The following ARHGAP35 variants were observed in gnomAD, a reference collection of about 807,000 sequenced individuals.
ARHGAP35 encodes the protein rho GTPase-activating protein 35.
Under a neutral mutation model 111.1 loss-of-function variants are expected in ARHGAP35, and 15 were observed. That is an observed-to-expected ratio of 0.13 (90% CI 0.09 to 0.21). The LOEUF is 0.21. Among genes scored for constraint, ARHGAP35 ranks in the 10% least tolerant of loss-of-function variants. The pLI, the probability that ARHGAP35 is intolerant of heterozygous loss-of-function variation, is 1.00. For synonymous variants in ARHGAP35, 643 were observed against 710.3 expected (o/e 0.91, Z 1.51); for missense variants, 1,262 against 1,873.0 (o/e 0.67, Z 6.02).
Position 46,999,298 on chromosome 19 carries a change from C to A in ARHGAP35, c.4037-6C>A. On this transcript the variant is annotated splice_polypyrimidine_tract_variant and splice_region_variant and intron_variant, in intron 5 of 6. Transcript: ENST00000672722. This position sits in a 1 kb window ranked among gnomAD's most constrained non-coding sequence, Gnocchi z 5.4. ...AAGGCAAGGCTTTGGTTTTCTCTCT[C>A]CTCAGAAATCAACGACCGGGAGCAG... is the stretch of plus-strand genomic sequence containing the variant. 1 of 1,573,674 alleles carries A rather than the reference C, an allele frequency of 6.4e-7. No individual in the cohort carries two copies. Among genetic ancestry groups the A allele is most frequent in the East Asian group, 2.3e-5 (1 of 43,122 alleles).
At chr19:46,937,894 T>C (rs1003827380) in intron 3 of ARHGAP35, among the ~76,000 whole-genome samples, 5 of 152,226 alleles carry the variant, frequency 3.3e-5, no homozygotes, top group South Asian at 2.1e-4. Flanking sequence ...TTTTCTGAGG[T>C]AAGAAAATGA....
intron 5 of ARHGAP35, among the ~76,000 whole-genome samples, chr19:46,995,729 AC>A (rs2056703890): frequency 6.6e-6 from 1 of 152,254 alleles, no homozygotes; most frequent in South Asian, 2.1e-4. Context: ...CAGCACCCAA[AC>A]CTAAGCAGCT....
chr19:46,893,276 G>A (rs977711511), intron 1 of ARHGAP35, among the ~76,000 whole-genome samples: 2 of 152,122 alleles, frequency 1.3e-5, no homozygotes, highest in African/African-American at 4.8e-5. Context: ...TCTTGGCCAG[G>A]TCATATCACT....
At chr19:46,940,108 C>T (rs918904930) in intron 3 of ARHGAP35, among the ~76,000 whole-genome samples, 2 of 151,884 alleles carry the variant, frequency 1.3e-5, no homozygotes, top group South Asian at 2.1e-4. Context: ...CGGTGGCTCA[C>T]GCTTGTAGTT....
At chr19:46,931,671 A>T (rs1190294115) in intron 2 of ARHGAP35, among the ~76,000 whole-genome samples, 1 of 152,146 alleles carries the variant, frequency 6.6e-6, no homozygotes, top group Non-Finnish European at 1.5e-5. Context: ...TCATTTTTTT[A>T]AAATCAGTCT....
intron 1 of ARHGAP35, among the ~76,000 whole-genome samples, chr19:46,884,493 CTTTTTTT>C (rs923415995): frequency 1.8e-5 from 2 of 111,978 alleles, no homozygotes; most frequent in Non-Finnish European, 3.6e-5. Flanking sequence ...TGATGATATC[CTTTTTTT>C]TTTTTTTTTT....
intron 1 of ARHGAP35, among the ~76,000 whole-genome samples, chr19:46,892,302 C>CAA (rs1211422406): frequency 6.3e-5 from 4 of 63,746 alleles, no homozygotes; most frequent in Admixed American, 1.9e-4. Context: ...GACTTTGTCT[C>CAA]AAAAAAAAAA....
intron 1 of ARHGAP35, among the ~76,000 whole-genome samples, chr19:46,863,005 T>G (rs1388256682): frequency 6.6e-6 from 1 of 151,944 alleles, no homozygotes; most frequent in Non-Finnish European, 1.5e-5. Context: ...TCCCCTTTGA[T>G]ATCCCTCTCC....
Position 46,888,333 on chromosome 19 carries a change from TACACAC to T in ARHGAP35, c.-189+27151_-189+27156del, listed in dbSNP as rs72465629. Among the ~76,000 whole-genome samples the T allele has an allele frequency of 4.9e-3, 327 of 67,420 alleles. 8 individuals are homozygous for T. Among genetic ancestry groups the T allele is most frequent in the African/African-American group, 0.015 (263 of 17,168 alleles). The allele number at this position is 67,420 out of a possible 152,430, so 44.2% of individuals were successfully genotyped here. On this transcript the variant is annotated intron_variant, in intron 1 of 6. Transcript: ENST00000672722. Reference sequence around the variant, plus strand: ...ATATATATATAAAATATTGATTTTATACACACACACACACACACACACACACACACA... The same window carrying T: ...ATATATATATAAAATATTGATTTTATACACACACACACACACACACACACA...
In ARHGAP35 at chr19:46,976,096, G is replaced by T. The variant is rs574959915; in HGVS notation, c.3827-11893G>T. ...TATGAGGTATACTGTTTCATATGCTGTGATTTTTATGGGGGCTGTCTGTTA... is the reference window on the plus strand; with the variant it reads ...TATGAGGTATACTGTTTCATATGCTTTGATTTTTATGGGGGCTGTCTGTTA... On this transcript the variant is annotated intron_variant, in intron 3 of 6. Transcript: ENST00000672722. Among the ~76,000 whole-genome samples, 17 of 152,050 alleles carry T rather than the reference G, an allele frequency of 1.1e-4. No homozygotes were observed. In the South Asian group the frequency reaches 3.5e-3, roughly 32 times the overall value.
intron 3 of ARHGAP35, among the ~76,000 whole-genome samples, 184 bp from the exon 4 acceptor site, chr19:46,987,805 A>G (rs1359925888): frequency 6.6e-6 from 1 of 152,216 alleles, no homozygotes; most frequent in African/African-American, 2.4e-5. Flanking sequence ...AGTGAAAAAG[A>G]AAATGGAGGT....
chr19:46,890,804 A>C (rs898223784), intron 1 of ARHGAP35, among the ~76,000 whole-genome samples: 1 of 152,100 alleles, frequency 6.6e-6, no homozygotes, highest in Non-Finnish European at 1.5e-5. Context: ...TATTGACTCT[A>C]TTTCTCTACT....
rs548810655 is a variant in ARHGAP35 at position 47,004,459 on chromosome 19, T to C, written c.*3771T>C. The stretch of plus-strand genomic sequence containing the variant: ...CGATGCTACAGGCCTAAGTTATTGT[T>C]TGCATAAAAAGAATCATGTTCCCTG... On this transcript the variant is annotated 3_prime_UTR_variant, in exon 7 of 7. Transcript: ENST00000672722. 6.6e-6 allele frequency: 1 copy of C among 152,632 alleles called. No homozygotes were observed. Among genetic ancestry groups the C allele is most frequent in the East Asian group, 1.9e-4 (1 of 5,178 alleles). The allele number at this position is 152,632 out of a possible 1,614,324, so 9.5% of individuals were successfully genotyped here.
At position 46,994,350 on chromosome 19, in the gene ARHGAP35, G is replaced by C. The variant is rs1296148158; in HGVS notation, c.4036+4675G>C. On this transcript the variant is annotated intron_variant, in intron 5 of 6. Transcript: ENST00000672722. This position sits in a 1 kb window ranked among gnomAD's most constrained non-coding sequence, Gnocchi z 5.4. ...GAGTGGCTGCCCTGAGTGTGCCGCTGCCCTGTGACCAGGTCCACACAGACT... is the reference window on the plus strand; with the variant it reads ...GAGTGGCTGCCCTGAGTGTGCCGCTCCCCTGTGACCAGGTCCACACAGACT... Among the ~76,000 whole-genome samples the C allele has an allele frequency of 6.6e-6, 1 of 152,220 alleles. No homozygotes were observed. The highest frequency in any genetic ancestry group is 1.5e-5 in the Non-Finnish European group (1 of 68,042).
chr19:46,889,750 CAAAAAA>C (rs5828291), intron 1 of ARHGAP35, among the ~76,000 whole-genome samples: 1 of 85,238 alleles, frequency 1.2e-5, no homozygotes, highest in African/African-American at 4.8e-5. Flanking sequence ...GACTCCGTCT[CAAAAAA>C]AAAAAAAAAA....
At chr19:46,895,656 GTTC>G (rs2056050750) in intron 1 of ARHGAP35, among the ~76,000 whole-genome samples, 1 of 152,174 alleles carries the variant, frequency 6.6e-6, no homozygotes. Context: ...CAGAAATTCT[GTTC>G]TTCTGTGAGG....
At chr19:46,968,579 AT>A (rs1312548259) in intron 3 of ARHGAP35, among the ~76,000 whole-genome samples, 1 of 152,252 alleles carries the variant, frequency 6.6e-6, no homozygotes, top group Admixed American at 6.5e-5. Context: ...GAACCCAAAT[AT>A]CCCACTGATG....
intron 2 of ARHGAP35, among the ~76,000 whole-genome samples, chr19:46,924,526 T>C (rs570457708): frequency 6.6e-6 from 1 of 152,366 alleles, no homozygotes; most frequent in Non-Finnish European, 1.5e-5. Flanking sequence ...TTCCTTTGCC[T>C]GGCTTTTCTA....
At chr19:46,951,026 G>A (rs1022820904) in intron 3 of ARHGAP35, among the ~76,000 whole-genome samples, 4 of 152,220 alleles carry the variant, frequency 2.6e-5, no homozygotes, top group African/African-American at 9.6e-5. Flanking sequence ...TGTGGAGCCC[G>A]GCAGCTGTGG....
Sources: allele counts gnomAD v4.1 joint callset (sites outside exome capture counted in the v4.1 genomes callset), GRCh38; gene constraint gnomAD v4.1.1; non-coding constraint Gnocchi (gnomAD v3.1); transcripts MANE v1.5; gene names NCBI Gene and HGNC (gene_info 2026-07-23, HGNC 2026-07-21).